Variants in RABGAP1L observed in about 807,000 individuals in gnomAD.
The protein encoded by RABGAP1L is RAB GTPase activating protein 1 like.
RABGAP1L carries 63 observed loss-of-function variants against 137.7 expected under a neutral mutation model. That is an observed-to-expected ratio of 0.46 (90% confidence interval 0.37 to 0.56). The LOEUF is 0.56. Ranked by LOEUF, RABGAP1L falls within the 20% of genes least tolerant of loss-of-function variation. The pLI, the probability that RABGAP1L is intolerant of heterozygous loss-of-function variation, is 0.00. For synonymous variants in RABGAP1L, 431 were observed against 433.7 expected, an observed-to-expected ratio of 0.99 and a Z score of 0.08; for missense variants, 1,095 against 1,244.0, an observed-to-expected ratio of 0.88 and a Z score of 1.80.
intron 13 of RABGAP1L, among the ~76,000 whole-genome samples, chr1:174,481,172 G>A (rs765478478): frequency 1.3e-5 from 2 of 152,114 alleles, no homozygotes; most frequent in African/African-American, 4.8e-5. Flanking sequence ...AGCCCACTCC[G>A]AAACAGCTGC....
In RABGAP1L at chr1:174,239,116, C is replaced by G. The variant is rs375227329; in HGVS notation, c.543-2367C>G. Among the ~76,000 whole-genome samples, 5 of 152,304 alleles carry G rather than the reference C, an allele frequency of 3.3e-5. No individual in the cohort carries two copies. In the South Asian group the frequency reaches 8.3e-4, roughly 25 times the overall value. ...TTCCCAGGTGAGGCAATGCCTCGCC[C>G]TGCTTCGGCTCGCGCACCGTGCGCG... On this transcript the variant is annotated intron_variant, in intron 4 of 25. Coordinates refer to ENST00000681986, the MANE Select transcript of RABGAP1L (RefSeq NM_001366446.1).
At chr1:174,503,456 T>A (rs1001603009) in intron 13 of RABGAP1L, among the ~76,000 whole-genome samples, 1 of 151,862 alleles carries the variant, frequency 6.6e-6, no homozygotes, top group African/African-American at 2.4e-5. Context: ...GGTGAGGAGA[T>A]CAAGACCATC....
chr1:174,431,821 A>T lies in RABGAP1L; in HGVS notation c.1710+37676A>T, dbSNP rs531505007. The stretch of plus-strand genomic sequence containing the variant: ...TGATGATCCTAGGCTACCAAATATT[A>T]AATTATGTCAGAATTCTTGGTTTAA... On this transcript the variant is annotated intron_variant, in intron 13 of 25. Coordinates refer to ENST00000681986, the MANE Select transcript of RABGAP1L (RefSeq NM_001366446.1). Among the ~76,000 whole-genome samples the T allele has an allele frequency of 2.6e-5, 4 of 152,352 alleles. No individual in the cohort carries two copies. The East Asian group carries it at 7.7e-4, about 29-fold the overall frequency.
chr1:174,380,884 G>T (rs1029957246), intron 12 of RABGAP1L, among the ~76,000 whole-genome samples: 31 of 134,632 alleles, frequency 2.3e-4, no homozygotes, highest in Non-Finnish European at 4.4e-4. Context: ...TGATGTTAGG[G>T]TGTCAATTTT....
chr1:174,825,127 G>T (rs906758359), intron 19 of RABGAP1L, among the ~76,000 whole-genome samples: 1 of 152,124 alleles, frequency 6.6e-6, no homozygotes, highest in Non-Finnish European at 1.5e-5. Flanking sequence ...TTAGCCTGAG[G>T]CACTTCCTAC....
chr1:174,506,419 T>C (rs2147784419), intron 13 of RABGAP1L, among the ~76,000 whole-genome samples: 1 of 152,240 alleles, frequency 6.6e-6, no homozygotes, highest in East Asian at 1.9e-4. Context: ...TACACAATAA[T>C]TAAAACAAAT....
At chr1:174,865,616 T>C (rs1375564134) in intron 19 of RABGAP1L, among the ~76,000 whole-genome samples, 4 of 152,106 alleles carry the variant, frequency 2.6e-5, no homozygotes, top group Non-Finnish European at 5.9e-5. Context: ...CAGTAAGACA[T>C]TACCCTATCA....
At chr1:174,613,318 A>G (rs974513410) in intron 13 of RABGAP1L, among the ~76,000 whole-genome samples, 3 of 152,048 alleles carry the variant, frequency 2.0e-5, no homozygotes, top group East Asian at 1.9e-4. Flanking sequence ...TTATGTACCC[A>G]GTAGTCATTC....
In RABGAP1L at chr1:174,314,881, AT is replaced by A. The variant is rs1192852687; in HGVS notation, c.1465+9755del. On this transcript the variant is annotated intron_variant, in intron 11 of 25. Coordinates refer to ENST00000681986, the MANE Select transcript of RABGAP1L (RefSeq NM_001366446.1). ...TTGATATTATTTCAGTTTTTTTGGA[AT>A]GTTTTAAAACTTATTTTGTGACCTA... Among the ~76,000 whole-genome samples the A allele has an allele frequency of 3.9e-5, 6 of 152,204 alleles. No individual in the cohort carries two copies. In the South Asian group the frequency reaches 1.2e-3, roughly 32 times the overall value.
intron 11 of RABGAP1L, among the ~76,000 whole-genome samples, chr1:174,307,393 A>G (rs762825824): frequency 1.3e-5 from 2 of 152,130 alleles, no homozygotes; most frequent in Non-Finnish European, 2.9e-5. Context: ...CATCACCTCT[A>G]TCTAGTTCTT....
chr1:174,732,367 G>A (rs1316490846), intron 17 of RABGAP1L, among the ~76,000 whole-genome samples: 1 of 152,132 alleles, frequency 6.6e-6, no homozygotes, highest in Non-Finnish European at 1.5e-5. Flanking sequence ...TTAGCATTAG[G>A]GCTTAAAGTT....
At chr1:174,410,452 T>C (rs746287783) in intron 13 of RABGAP1L, among the ~76,000 whole-genome samples, 2 of 152,170 alleles carry the variant, frequency 1.3e-5, no homozygotes, top group African/African-American at 2.4e-5. Context: ...TATCCCGTAA[T>C]AGCAGGGATA....
intron 12 of RABGAP1L, among the ~76,000 whole-genome samples, chr1:174,387,546 C>CTT (rs5778801): frequency 9.7e-5 from 14 of 144,948 alleles, no homozygotes; most frequent in South Asian, 2.2e-4. Context: ...TTGGGTTTTT[C>CTT]TTTTTTTTTT....
At chr1:174,955,698 T>A (rs1668407853) in intron 19 of RABGAP1L, among the ~76,000 whole-genome samples, 1 of 152,236 alleles carries the variant, frequency 6.6e-6, no homozygotes. Flanking sequence ...CACATCATCC[T>A]TGCCTTCTCA....
At chr1:174,210,663 G>A (rs1030490960) in intron 1 of RABGAP1L, among the ~76,000 whole-genome samples, 5 of 152,150 alleles carry the variant, frequency 3.3e-5, no homozygotes, top group African/African-American at 7.2e-5. Context: ...AGAAAGATAT[G>A]GGTAGAAAGT....
chr1:174,890,660 A>C (rs113805869), intron 19 of RABGAP1L, among the ~76,000 whole-genome samples: 2,167 of 152,154 alleles, frequency 0.014, 33 homozygotes, highest in South Asian at 0.026. Flanking sequence ...TTTTTTTAGA[A>C]GTATCCTTCT....
intron 13 of RABGAP1L, among the ~76,000 whole-genome samples, chr1:174,622,170 G>T (rs1672554158): frequency 1.3e-5 from 2 of 152,184 alleles, no homozygotes; most frequent in South Asian, 4.1e-4. Flanking sequence ...TCTCACACCG[G>T]TTAGAATGGT....
intron 12 of RABGAP1L, among the ~76,000 whole-genome samples, chr1:174,387,845 C>G (rs190899001): frequency 6.6e-6 from 1 of 152,056 alleles, no homozygotes; most frequent in African/African-American, 2.4e-5. Flanking sequence ...ATAATTGATT[C>G]TTAGACCTTT....
In RABGAP1L at chr1:174,946,900, C is replaced by CAAA. The variant is rs1177949233; in HGVS notation, c.2341-10541_2341-10539dup. ...TGGGCAAAAGAGCGAGACTCCATCT[C>CAAA]AAAAAAAAAAAAAAAAAATATATAT... On this transcript the variant is annotated intron_variant, in intron 19 of 25. Transcript: ENST00000681986. Among the ~76,000 whole-genome samples the CAAA allele has an allele frequency of 9.8e-4, 21 of 21,394 alleles. 2 individuals carry two copies. The highest frequency in any genetic ancestry group is 5.4e-3 in the African/African-American group (18 of 3,310). 14.0% of individuals were successfully genotyped at this position (21,394 alleles called of 152,430 possible). A position where few individuals can be genotyped will look rare whatever the true frequency, so the allele number is the denominator to read the frequency against.
Sources: allele counts gnomAD v4.1 joint callset (sites outside exome capture counted in the v4.1 genomes callset), GRCh38; gene constraint gnomAD v4.1.1; transcripts MANE v1.5; gene names NCBI Gene and HGNC (gene_info 2026-07-23, HGNC 2026-07-21).